ROBO1: variants seen among roughly 807,000 people sequenced by gnomAD.
ROBO1 encodes the protein roundabout guidance receptor 1, also known as roundabout homolog 1.
ROBO1 carries 149 observed loss-of-function variants against 195.9 expected under a neutral mutation model. That is an observed-to-expected ratio of 0.76 (90% CI 0.67 to 0.87). The LOEUF is 0.87. ROBO1 is among the 40% of genes least tolerant of loss of function. The pLI, the probability that ROBO1 is intolerant of heterozygous loss-of-function variation, is 0.00. For missense variants in ROBO1, 1,933 were observed against 2,068.3 expected (o/e 0.93, Z 1.27); for synonymous variants, 816 against 733.2 (o/e 1.11, Z -1.82).
chr3:79,667,480 G>A (rs1183992948), intron 1 of ROBO1, among the ~76,000 whole-genome samples: 2 of 151,782 alleles, frequency 1.3e-5, no homozygotes, highest in Non-Finnish European at 1.5e-5. Context: ...CAGGATTTTG[G>A]TTGTAAGAGA....
intron 4 of ROBO1, among the ~76,000 whole-genome samples, chr3:78,805,956 T>C (rs141165828): frequency 1.4e-3 from 214 of 152,140 alleles, no homozygotes; most frequent in African/African-American, 5.1e-3. Context: ...TAATTTGGTA[T>C]CTCTAATTTT....
At chr3:79,237,019 A>G (rs1472780420) in intron 2 of ROBO1, among the ~76,000 whole-genome samples, 2 of 152,214 alleles carry the variant, frequency 1.3e-5, no homozygotes, top group African/African-American at 4.8e-5. Context: ...AGCACTCTCA[A>G]AAAGTGCTAG....
intron 3 of ROBO1, among the ~76,000 whole-genome samples, chr3:78,948,552 A>G (rs1321600637): frequency 1.3e-5 from 2 of 152,206 alleles, no homozygotes; most frequent in Admixed American, 1.3e-4. Context: ...ACCCACAGCC[A>G]ATATCATACT....
intron 2 of ROBO1, among the ~76,000 whole-genome samples, chr3:79,200,357 G>A (rs2081739333): frequency 6.6e-6 from 1 of 151,350 alleles, no homozygotes; most frequent in South Asian, 2.1e-4. Context: ...ATTTATTTTT[G>A]TTTTTGTTAG....
intron 2 of ROBO1, among the ~76,000 whole-genome samples, chr3:79,477,308 T>C (rs1938592952): frequency 6.6e-6 from 1 of 152,180 alleles, no homozygotes; most frequent in Non-Finnish European, 1.5e-5. Context: ...CTGAACAGCT[T>C]AAAATGGACT....
At chr3:79,244,922 C>T (rs2082596391) in intron 2 of ROBO1, among the ~76,000 whole-genome samples, 3 of 151,884 alleles carry the variant, frequency 2.0e-5, no homozygotes, top group Admixed American at 2.0e-4. Flanking sequence ...AATTAGAATG[C>T]TAACAGCTCT....
chr3:78,837,360 AAAC>A (rs2032830139), intron 4 of ROBO1, among the ~76,000 whole-genome samples: 1 of 152,128 alleles, frequency 6.6e-6, no homozygotes, highest in African/African-American at 2.4e-5. Context: ...TGATACTACC[AAAC>A]AATGGGGACT....
At chr3:79,762,285 T>G (rs1489336267) in intron 1 of ROBO1, among the ~76,000 whole-genome samples, 1 of 152,024 alleles carries the variant, frequency 6.6e-6, no homozygotes, top group Non-Finnish European at 1.5e-5. Flanking sequence ...CAGACCTCTT[T>G]TATAAGGGCA....
At chr3:79,670,064 A>C (rs1306755938) in intron 1 of ROBO1, among the ~76,000 whole-genome samples, 3 of 151,902 alleles carry the variant, frequency 2.0e-5, no homozygotes, top group Non-Finnish European at 4.4e-5. Context: ...TAACAAACTG[A>C]AGTAAGCAAG....
At chr3:79,664,685 T>TC (rs530013472) in intron 1 of ROBO1, among the ~76,000 whole-genome samples, 370 of 152,132 alleles carry the variant, frequency 2.4e-3, no homozygotes, top group Non-Finnish European at 4.0e-3. Context: ...GAAGGCACGA[T>TC]CCCATTCATT....
intron 10 of ROBO1, among the ~76,000 whole-genome samples, chr3:78,684,332 A>G (rs1474690672): frequency 6.6e-6 from 1 of 152,188 alleles, no homozygotes; most frequent in Non-Finnish European, 1.5e-5. Context: ...AATAGATAAA[A>G]GGAATCAATG....
At chr3:78,628,485 G>T (rs1704966566) in intron 25 of ROBO1, among the ~76,000 whole-genome samples, 1 of 152,116 alleles carries the variant, frequency 6.6e-6, no homozygotes, top group South Asian at 2.1e-4. Context: ...AAGCACGATG[G>T]ATCTGGGGAA....
At chr3:79,638,164 A>G (rs1229319259) in intron 1 of ROBO1, among the ~76,000 whole-genome samples, 1 of 152,182 alleles carries the variant, frequency 6.6e-6, no homozygotes, top group Non-Finnish European at 1.5e-5. Context: ...AGGGCATATA[A>G]CAGAGGATTA....
At chr3:79,457,417 A>C (rs189516454) in intron 2 of ROBO1, among the ~76,000 whole-genome samples, 130 of 151,446 alleles carry the variant, frequency 8.6e-4, no homozygotes, top group African/African-American at 3.0e-3. Flanking sequence ...GTGTGTGTCT[A>C]TGGGAGTGCA....
rs553755148 is a variant in ROBO1 at position 78,926,688 on chromosome 3, G to A, written c.499+11913C>T. Among the ~76,000 whole-genome samples the A allele has an allele frequency of 2.0e-5, 3 of 152,248 alleles. No homozygotes were observed. The South Asian group carries it at 6.2e-4, about 32-fold the overall frequency. ...GATGAGAGAACAGAGAGTGAATCAG[G>A]ACAAAATTGGTATGTGAATGCAAGG... is the stretch of plus-strand genomic sequence containing the variant. On this transcript the variant is annotated intron_variant, in intron 4 of 30. Coordinates refer to ENST00000464233, the MANE Select transcript of ROBO1 (RefSeq NM_002941.4).
chr3:78,982,165 T>C (rs993246198), intron 3 of ROBO1, among the ~76,000 whole-genome samples: 1 of 152,138 alleles, frequency 6.6e-6, no homozygotes, highest in Non-Finnish European at 1.5e-5. Flanking sequence ...CAATCCTGTG[T>C]TCTTTCGGCT....
chr3:78,853,400 T>C (rs1463469613), intron 4 of ROBO1, among the ~76,000 whole-genome samples: 5 of 150,872 alleles, frequency 3.3e-5, no homozygotes, highest in Non-Finnish European at 7.4e-5. Context: ...TATGTGCATA[T>C]ATATACAGTA....
chr3:79,605,292 G>A (rs529476830), intron 1 of ROBO1, among the ~76,000 whole-genome samples: 1 of 146,818 alleles, frequency 6.8e-6, no homozygotes, highest in South Asian at 2.2e-4. Flanking sequence ...TCTAAATATT[G>A]GTCTGTAAAG....
intron 2 of ROBO1, among the ~76,000 whole-genome samples, chr3:79,444,965 A>C (rs1270658761): frequency 6.6e-6 from 1 of 151,984 alleles, no homozygotes; most frequent in Non-Finnish European, 1.5e-5. Flanking sequence ...TGATGAGATT[A>C]AGATGGCAGG....
Sources: allele counts gnomAD v4.1 joint callset (sites outside exome capture counted in the v4.1 genomes callset), GRCh38; gene constraint gnomAD v4.1.1; transcripts MANE v1.5; gene names NCBI Gene and HGNC (gene_info 2026-07-23, HGNC 2026-07-21).